Variants in ZNF385B observed in about 807,000 individuals in gnomAD.
ZNF385B encodes the protein zinc finger protein 533.
Under a neutral mutation model 39.2 loss-of-function variants are expected in ZNF385B, and 23 were observed. The observed-to-expected ratio is 0.59, with a 90% CI of 0.42 to 0.83. ZNF385B has a LOEUF of 0.83. Ranked by LOEUF, ZNF385B falls within the 40% of genes least tolerant of loss-of-function variation. The pLI, the probability that ZNF385B is intolerant of heterozygous loss-of-function variation, is 0.00. For synonymous variants in ZNF385B, 205 were observed against 222.6 expected, an observed-to-expected ratio of 0.92 and a Z score of 0.70; for missense variants, 552 against 598.9, an observed-to-expected ratio of 0.92 and a Z score of 0.82.
chr2:179,518,521 T>A lies in ZNF385B; in HGVS notation c.552+7A>T, dbSNP rs181620729. 6.4e-7 allele frequency: 1 copy of A among 1,564,100 alleles called. No individual in the cohort carries two copies. The highest frequency in any genetic ancestry group is 1.8e-5 in the Admixed American group (1 of 54,612). ...ACTACAGAGAATAATGAAAAGGTGATACTCACATCTGAGTTAAAGCGAAGC... is the reference window on the plus strand; with the variant it reads ...ACTACAGAGAATAATGAAAAGGTGAAACTCACATCTGAGTTAAAGCGAAGC... On this transcript the variant is annotated splice_region_variant and intron_variant, in intron 5 of 9. Transcript: ENST00000410066.
intron 3 of ZNF385B, among the ~76,000 whole-genome samples, chr2:179,606,527 G>A (rs1688816292): frequency 6.6e-6 from 1 of 151,962 alleles, no homozygotes; most frequent in Non-Finnish European, 1.5e-5. Flanking sequence ...GGTTGTGGGT[G>A]CTGTGGAAAT....
At chr2:179,622,366 T>A (rs533912478) in intron 3 of ZNF385B, among the ~76,000 whole-genome samples, 3 of 152,294 alleles carry the variant, frequency 2.0e-5, no homozygotes, top group Admixed American at 6.5e-5. Context: ...CCTGGATTTA[T>A]CTTCAAGGAT....
intron 3 of ZNF385B, among the ~76,000 whole-genome samples, chr2:179,615,974 A>G (rs1205008466): frequency 6.6e-6 from 1 of 152,232 alleles, no homozygotes; most frequent in Non-Finnish European, 1.5e-5. Context: ...GAAAACAATA[A>G]TAAGACAATT....
At chr2:179,602,917 G>C (rs1212506815) in intron 3 of ZNF385B, among the ~76,000 whole-genome samples, 1 of 152,092 alleles carries the variant, frequency 6.6e-6, no homozygotes, top group African/African-American at 2.4e-5. Context: ...TTTCACTGTT[G>C]ATTAGTATTT....
At chr2:179,535,322 T>A (rs1423019406) in intron 4 of ZNF385B, among the ~76,000 whole-genome samples, 2 of 152,242 alleles carry the variant, frequency 1.3e-5, no homozygotes, top group African/African-American at 4.8e-5. Context: ...TCAACTTGAC[T>A]TTAGAAGCCA....
chr2:179,658,814 G>A (rs561415240), intron 3 of ZNF385B, among the ~76,000 whole-genome samples: 3 of 152,052 alleles, frequency 2.0e-5, no homozygotes, highest in East Asian at 1.9e-4. Flanking sequence ...GGTTTCACTC[G>A]TTTCCCAGGC....
At chr2:179,490,551 A>G (rs958793376) in intron 5 of ZNF385B, among the ~76,000 whole-genome samples, 2 of 152,160 alleles carry the variant, frequency 1.3e-5, no homozygotes, top group African/African-American at 2.4e-5. Context: ...CCAAATAACT[A>G]CAACAGAATT....
chr2:179,753,401 G>C (rs1159689066), intron 3 of ZNF385B, among the ~76,000 whole-genome samples: 1 of 152,142 alleles, frequency 6.6e-6, no homozygotes, highest in Non-Finnish European at 1.5e-5. Flanking sequence ...TTTTGGCTTA[G>C]GATTGTCTTG....
rs867845327 is a variant in ZNF385B at position 179,839,076 on chromosome 2, T to C, written c.-155+22025A>G. Among the ~76,000 whole-genome samples the C allele has an allele frequency of 2.0e-4, 30 of 152,220 alleles. 1 individual carries two copies. The highest frequency in any genetic ancestry group is 7.0e-4 in the African/African-American group (29 of 41,464). ...TAGAATCAGCCTTCAATCTGAATTC[T>C]TTCTGGAGAATTCTTCTAAAGAAGA... On this transcript the variant is annotated intron_variant, in intron 1 of 9. Coordinates refer to ENST00000410066, the MANE Select transcript of ZNF385B (RefSeq NM_152520.6).
chr2:179,524,551 C>CAAAAAAAAGAAAAAAAAAAAAAAAA (rs1300764305), intron 4 of ZNF385B, among the ~76,000 whole-genome samples: 1 of 60,970 alleles, frequency 1.6e-5, no homozygotes, highest in Non-Finnish European at 2.7e-5. Flanking sequence ...GACTCCGTCT[C>CAAAAAAAAGAAAAAAAAAAAAAAAA]AAAAAAAAAA....
chr2:179,656,992 C>T (rs576326576), intron 3 of ZNF385B, among the ~76,000 whole-genome samples: 14 of 152,132 alleles, frequency 9.2e-5, no homozygotes, highest in African/African-American at 3.1e-4. Flanking sequence ...ATATAGAAAA[C>T]GTTGATGAAC....
At chr2:179,502,252 G>A (rs182338097) in intron 5 of ZNF385B, among the ~76,000 whole-genome samples, 33 of 152,296 alleles carry the variant, frequency 2.2e-4, no homozygotes, top group East Asian at 1.9e-3. Flanking sequence ...TTGAATTAAC[G>A]CTAGAGTGAG....
At chr2:179,725,685 G>A (rs1002448212) in intron 3 of ZNF385B, among the ~76,000 whole-genome samples, 21 of 151,184 alleles carry the variant, frequency 1.4e-4, no homozygotes, top group African/African-American at 4.8e-4. Flanking sequence ...TGAAAGCACA[G>A]AAATTTAACA....
chr2:179,769,634 A>G lies in ZNF385B; in HGVS notation c.167T>C (p.Ile56Thr). 6.2e-7 allele frequency: 1 copy of G among 1,614,068 alleles called. No homozygotes were observed. Among genetic ancestry groups the G allele is most frequent in the Non-Finnish European group, 8.5e-7 (1 of 1,180,012 alleles). The change falls in exon 3 of 10, where the codon ATC becomes ACC. Residue 56 changes from isoleucine to threonine, a missense_variant. Ile to Thr is a moderately conservative substitution (Grantham distance 89). Coordinates refer to ENST00000410066, the MANE Select transcript of ZNF385B (RefSeq NM_152520.6). ...AGCCTGGGCTGCAGAGTTCAGCTGGATGTTGCACACCTCACAGAAGGAGAA... is the reference window on the plus strand; with the variant it reads ...AGCCTGGGCTGCAGAGTTCAGCTGGGTGTTGCACACCTCACAGAAGGAGAA... ...ILFSFCEVCN[I>T]QLNSAAQAQV...
chr2:179,831,843 T>G (rs1339955410), intron 1 of ZNF385B, among the ~76,000 whole-genome samples: 1 of 152,234 alleles, frequency 6.6e-6, no homozygotes, highest in African/African-American at 2.4e-5. Flanking sequence ...GATCTCAATT[T>G]ATGGACTCAT....
chr2:179,488,625 T>A (rs1166572856), intron 5 of ZNF385B, among the ~76,000 whole-genome samples: 2 of 149,968 alleles, frequency 1.3e-5, no homozygotes, highest in Non-Finnish European at 1.5e-5. Flanking sequence ...AGAACCAACC[T>A]TTTTTTGCAT....
At chr2:179,796,981 G>A (rs1007599648) in intron 1 of ZNF385B, among the ~76,000 whole-genome samples, 1 of 152,124 alleles carries the variant, frequency 6.6e-6, no homozygotes. Context: ...AAAGTGACTA[G>A]AGCAACTGTC....
At chr2:179,580,002 G>A (rs1686297813) in intron 3 of ZNF385B, among the ~76,000 whole-genome samples, 1 of 152,096 alleles carries the variant, frequency 6.6e-6, no homozygotes, top group South Asian at 2.1e-4. Flanking sequence ...TTGGTTTAAT[G>A]TGGTTTAGAA....
At chr2:179,784,984 C>A (rs546834173) in intron 1 of ZNF385B, among the ~76,000 whole-genome samples, 14 of 152,154 alleles carry the variant, frequency 9.2e-5, no homozygotes, top group Middle Eastern at 6.8e-3. Flanking sequence ...GATACATATT[C>A]ACTATAATGT....
Sources: gnomAD v4.1 joint callset for allele counts (sites outside exome capture counted in the v4.1 genomes callset) on GRCh38, gnomAD v4.1.1 for gene constraint, MANE v1.5 for transcripts, NCBI Gene and HGNC (gene_info 2026-07-23, HGNC 2026-07-21) for gene names.